RASSF5: variants seen among roughly 807,000 people sequenced by gnomAD.
RASSF5 encodes ras association domain-containing protein 5.
In RASSF5, 25 loss-of-function variants were observed where a neutral mutation model predicts 40.5. The observed-to-expected ratio is 0.62, with a 90% CI of 0.45 to 0.86. The LOEUF (loss-of-function observed/expected upper bound fraction) is 0.86, where lower values mean the gene tolerates loss of function less well. Ranked by LOEUF, RASSF5 falls within the 40% of genes least tolerant of loss-of-function variation. The pLI, the probability that RASSF5 is intolerant of heterozygous loss-of-function variation, is 0.00. For synonymous variants in RASSF5, 246 were observed against 252.4 expected, an observed-to-expected ratio of 0.97 and a Z score of 0.24; for missense variants, 521 against 572.8, an observed-to-expected ratio of 0.91 and a Z score of 0.92.
In RASSF5 at chr1:206,572,842, G is replaced by A. The variant is rs555687486; in HGVS notation, c.580-10427G>A. On this transcript the variant is annotated intron_variant, in intron 2 of 5. Transcript: ENST00000579436. The stretch of plus-strand genomic sequence containing the variant: ...TTTTTTAATGGAGGAAGGGGCCCTT[G>A]GCCCCAAAGACAAAAGTTCTTAGGA... 4.6e-5 allele frequency: 7 copies of A among 152,150 alleles called. No individual in the cohort carries two copies. In the East Asian group the frequency reaches 7.7e-4, roughly 17 times the overall value. The allele number at this position is 152,150 out of a possible 1,614,324, so 9.4% of individuals were successfully genotyped here.
At chr1:206,559,990 C>T (rs1668093848) in intron 2 of RASSF5, among the ~76,000 whole-genome samples, 1 of 152,168 alleles carries the variant, frequency 6.6e-6, no homozygotes, top group Non-Finnish European at 1.5e-5. Flanking sequence ...CTCTTTTCTC[C>T]CTTGGATCAC....
intron 1 of RASSF5, among the ~76,000 whole-genome samples, chr1:206,526,829 TGAG>T (rs1667109078): frequency 6.6e-6 from 1 of 152,176 alleles, no homozygotes; most frequent in African/African-American, 2.4e-5. Flanking sequence ...CATCACATGC[TGAG>T]TCCACAGGAA....
intron 2 of RASSF5, among the ~76,000 whole-genome samples, chr1:206,540,928 C>T (rs1667530583): frequency 1.3e-5 from 2 of 152,146 alleles, no homozygotes. Flanking sequence ...GAGTCTCACT[C>T]TGTTGCCTAA....
rs1667465521 is a variant in RASSF5 at position 206,538,211 on chromosome 1, T to G, written c.497T>G (p.Ile166Ser). 1 of 1,614,222 alleles carries G rather than the reference T, an allele frequency of 6.2e-7. No homozygotes were observed. Reference sequence around the variant, plus strand: ...TGTCACCCAGAATGCCGCAGCCTGATCCAGTTGGACTGCAGTCAGCAGGAG... The same window carrying G: ...TGTCACCCAGAATGCCGCAGCCTGAGCCAGTTGGACTGCAGTCAGCAGGAG... ...FTCHPECRSL[I>S]QLDCSQQEGL... Residue 166 changes from isoleucine to serine, a missense_variant, in exon 2 of 6, where the codon ATC becomes AGC. Ile to Ser is a moderately radical substitution (Grantham distance 142). Transcript: ENST00000579436.
At position 206,529,666 on chromosome 1, in the gene RASSF5, A is replaced by G. The variant is rs546113725; in HGVS notation, c.458-8506A>G. On this transcript the variant is annotated intron_variant, in intron 1 of 5. Transcript: ENST00000579436. ...TCTGTGGCTCACATCGCCAAATTCA[A>G]AAAGGCAAAGGCTAAAGAACTTGCC... 284 of 757,880 alleles carry G rather than the reference A, an allele frequency of 3.7e-4. 1 individual carries two copies. The African/African-American group carries it at 4.5e-3, about 12-fold the overall frequency. 46.9% of individuals were successfully genotyped at this position (757,880 alleles called of 1,614,324 possible). A position where few individuals can be genotyped will look rare whatever the true frequency, so the allele number is the denominator to read the frequency against.
chr1:206,544,380 A>C (rs1667622196), intron 2 of RASSF5: 1 of 152,236 alleles, frequency 6.6e-6, no homozygotes, highest in Non-Finnish European at 1.5e-5. Flanking sequence ...GAAAGCCCTC[A>C]GTGGCTTCCC....
At chr1:206,561,483 C>A (rs1326250679) in intron 2 of RASSF5, among the ~76,000 whole-genome samples, 1 of 152,024 alleles carries the variant, frequency 6.6e-6, no homozygotes, top group African/African-American at 2.4e-5. Context: ...AGCAGGTAGT[C>A]CCTGTAATCT....
chr1:206,566,021 A>G (rs1262313100), intron 2 of RASSF5, among the ~76,000 whole-genome samples: 4 of 152,190 alleles, frequency 2.6e-5, no homozygotes, highest in Admixed American at 1.3e-4. Flanking sequence ...ATCTTAGACT[A>G]AGTTAATTTA....
intron 1 of RASSF5, among the ~76,000 whole-genome samples, chr1:206,512,042 C>G (rs1312885796): frequency 6.6e-6 from 1 of 152,190 alleles, no homozygotes; most frequent in East Asian, 1.9e-4. Flanking sequence ...GGTATTTGCG[C>G]ACCCAGCAGC....
intron 1 of RASSF5, chr1:206,529,365 CT>C (rs1667178483): frequency 1.3e-6 from 1 of 759,180 alleles, no homozygotes; most frequent in African/African-American, 1.7e-5. Flanking sequence ...GAAAGCTCAG[CT>C]GGTGGTGATT....
chr1:206,533,816 A>G (rs1294672199), intron 1 of RASSF5, among the ~76,000 whole-genome samples: 1 of 152,192 alleles, frequency 6.6e-6, no homozygotes, highest in Non-Finnish European at 1.5e-5. Flanking sequence ...ATTCGGAAAT[A>G]TGGTAGTTGC....
chr1:206,550,537 T>C (rs1457847048), intron 2 of RASSF5, among the ~76,000 whole-genome samples: 2 of 152,224 alleles, frequency 1.3e-5, no homozygotes, highest in African/African-American at 4.8e-5. Flanking sequence ...CCACTTATTA[T>C]GACACTAGGA....
At chr1:206,541,453 G>T (rs927051931) in intron 2 of RASSF5, among the ~76,000 whole-genome samples, 4 of 152,150 alleles carry the variant, frequency 2.6e-5, no homozygotes, top group Admixed American at 1.3e-4. Flanking sequence ...AATGAGCTCA[G>T]AATCCCCAGT....
At chr1:206,509,901 C>T (rs1300727640) in intron 1 of RASSF5, among the ~76,000 whole-genome samples, 1 of 152,104 alleles carries the variant, frequency 6.6e-6, no homozygotes, top group African/African-American at 2.4e-5. Context: ...CCGGGCAGTA[C>T]CTCTGACTTT....
chr1:206,523,743 AT>A (rs1205806885), intron 1 of RASSF5, among the ~76,000 whole-genome samples: 241 of 99,396 alleles, frequency 2.4e-3, no homozygotes, highest in Non-Finnish European at 3.3e-3. Flanking sequence ...TATATAATAT[AT>A]TTTATATAAT....
intron 2 of RASSF5, among the ~76,000 whole-genome samples, chr1:206,563,306 A>C (rs1230190952): frequency 2.6e-5 from 4 of 152,126 alleles, no homozygotes; most frequent in Non-Finnish European, 4.4e-5. Flanking sequence ...GCCTCCTGCC[A>C]CCGTTTCTGC....
intron 1 of RASSF5, among the ~76,000 whole-genome samples, chr1:206,522,517 C>G (rs1553396295): frequency 6.6e-6 from 1 of 152,142 alleles, no homozygotes; most frequent in East Asian, 1.9e-4. Context: ...GGAATGAGGT[C>G]CATTTGGCTT....
At chr1:206,523,125 T>G (rs185475968) in intron 1 of RASSF5, among the ~76,000 whole-genome samples, 7 of 151,300 alleles carry the variant, frequency 4.6e-5, no homozygotes, top group Admixed American at 1.3e-4. Flanking sequence ...GCCAACATGG[T>G]GAAACCCTAC....
intron 1 of RASSF5, among the ~76,000 whole-genome samples, chr1:206,511,928 T>C (rs1553394730): frequency 6.6e-6 from 1 of 152,156 alleles, no homozygotes; most frequent in Non-Finnish European, 1.5e-5. Context: ...GACATTGGCA[T>C]TGATTCTTTC....
Sources: allele counts gnomAD v4.1 joint callset (sites outside exome capture counted in the v4.1 genomes callset), GRCh38; gene constraint gnomAD v4.1.1; transcripts MANE v1.5; gene names NCBI Gene and HGNC (gene_info 2026-07-23, HGNC 2026-07-21).